Variants in STK38L observed in about 807,000 individuals in gnomAD.
STK38L encodes serine/threonine-protein kinase 38-like.
Under a neutral mutation model 59.7 loss-of-function variants are expected in STK38L, and 28 were observed. That is an observed-to-expected ratio of 0.47 (90% CI 0.35 to 0.64). The LOEUF is 0.64. Among genes scored for constraint, STK38L ranks in the 30% least tolerant of loss-of-function variants. The pLI is 0.01. For synonymous variants in STK38L, 162 were observed against 176.8 expected (o/e 0.92, Z 0.66); for missense variants, 314 against 555.8 (o/e 0.56, Z 4.37).
chr12:27,314,750 T>TCTAAATTGC, intron 7 of STK38L, 92 bp downstream of exon 7: 1 of 1,375,250 alleles, frequency 7.3e-7, no homozygotes, highest in Non-Finnish European at 9.8e-7. Flanking sequence ...AACTGCAATT[T>TCTAAATTGC]AGAATATTGC....
intron 3 of STK38L, 157 bp downstream of exon 3, chr12:27,302,345 A>T: frequency 1.9e-6 from 1 of 527,258 alleles, no homozygotes; most frequent in Non-Finnish European, 3.3e-6. Context: ...ATATCTTTAG[A>T]AGGAGGCAGT....
At chr12:27,259,921 G>A (rs991034516) in intron 1 of STK38L, among the ~76,000 whole-genome samples, 4 of 152,082 alleles carry the variant, frequency 2.6e-5, no homozygotes, top group African/African-American at 9.7e-5. Context: ...TCTTTGTGCA[G>A]CCAGTCTTTT....
At chr12:27,320,902 C>G (rs1202042380) in intron 12 of STK38L, among the ~76,000 whole-genome samples, 4 of 151,532 alleles carry the variant, frequency 2.6e-5, no homozygotes, top group Non-Finnish European at 5.9e-5. Context: ...CTGGTGGAGG[C>G]CTAACTCTTA....
At chr12:27,265,145 C>T (rs1407747037) in intron 1 of STK38L, among the ~76,000 whole-genome samples, 2 of 151,780 alleles carry the variant, frequency 1.3e-5, no homozygotes, top group Non-Finnish European at 1.5e-5. Context: ...TTGAAAAATG[C>T]AAAAAGGTAT....
Position 27,281,108 on chromosome 12 carries a change from C to G in STK38L, c.-11-16602C>G, listed in dbSNP as rs1223909221. Among the ~76,000 whole-genome samples, 4 of 834 alleles carry G rather than the reference C, an allele frequency of 4.8e-3. 1 individual carries two copies. In the Admixed American group the frequency reaches 0.074, roughly 15 times the overall value. 0.5% of individuals were successfully genotyped at this position (834 alleles called of 152,430 possible). ...TTTTTTTTTTTTTTTTTTTTTGAGACGGAGTCTCGCTCTGTCGCCCAGGCT... is the reference window on the plus strand; with the variant it reads ...TTTTTTTTTTTTTTTTTTTTTGAGAGGGAGTCTCGCTCTGTCGCCCAGGCT... On this transcript the variant is annotated intron_variant, in intron 1 of 13. Coordinates refer to ENST00000389032, the MANE Select transcript of STK38L (RefSeq NM_015000.4).
chr12:27,272,341 G>A (rs1028631839), intron 1 of STK38L, among the ~76,000 whole-genome samples: 1 of 152,184 alleles, frequency 6.6e-6, no homozygotes, highest in African/African-American at 2.4e-5. Flanking sequence ...GTGATCTGCT[G>A]TATGGTATTA....
At chr12:27,276,236 C>T (rs1233267153) in intron 1 of STK38L, among the ~76,000 whole-genome samples, 1 of 152,166 alleles carries the variant, frequency 6.6e-6, no homozygotes, top group Non-Finnish European at 1.5e-5. Context: ...CTCCCCTTCG[C>T]ATTATTTTGC....
At chr12:27,263,586 T>A (rs527404829) in intron 1 of STK38L, among the ~76,000 whole-genome samples, 1 of 152,222 alleles carries the variant, frequency 6.6e-6, no homozygotes, top group African/African-American at 2.4e-5. Flanking sequence ...CATAATGTGC[T>A]TAAAGAGTCC....
intron 5 of STK38L, among the ~76,000 whole-genome samples, chr12:27,309,430 C>T (rs1340561519): frequency 6.6e-6 from 1 of 152,146 alleles, no homozygotes; most frequent in Admixed American, 6.5e-5. Flanking sequence ...TTAGCTTAAA[C>T]AACAGAAACT....
At position 27,324,015 on chromosome 12, in the gene STK38L, C is replaced by T. The variant is rs1944787942; in HGVS notation, c.*1560C>T. ...GATGAATTATTTGTAGGAATGTCTTCCTAATGGGGAAGAATTGCATAGGAG... is the reference window on the plus strand; with the variant it reads ...GATGAATTATTTGTAGGAATGTCTTTCTAATGGGGAAGAATTGCATAGGAG... On this transcript the variant is annotated 3_prime_UTR_variant, in exon 14 of 14. Coordinates refer to ENST00000389032, the MANE Select transcript of STK38L (RefSeq NM_015000.4). The T allele has an allele frequency of 2.0e-5, 3 of 151,970 alleles. No individual in the cohort carries two copies. The highest frequency in any genetic ancestry group is 6.6e-5 in the Admixed American group (1 of 15,266). The allele number at this position is 151,970 out of a possible 1,614,324, so 9.4% of individuals were successfully genotyped here.
chr12:27,268,753 T>C (rs1282902057), intron 1 of STK38L, among the ~76,000 whole-genome samples: 2 of 152,204 alleles, frequency 1.3e-5, no homozygotes, highest in Non-Finnish European at 2.9e-5. Context: ...AAAGTGTTCC[T>C]ATTTCTCAAC....
chr12:27,279,280 T>G lies in STK38L; in HGVS notation c.-11-18430T>G, dbSNP rs565115408. Among the ~76,000 whole-genome samples, 3 of 152,372 alleles carry G rather than the reference T, an allele frequency of 2.0e-5. No individual in the cohort carries two copies. In the East Asian group the frequency reaches 5.8e-4, roughly 29 times the overall value. On this transcript the variant is annotated intron_variant, in intron 1 of 13. Transcript: ENST00000389032. ...GGAGCATCTTTTTATTATAGAGCTG[T>G]GAAAATAAAATAGTTGGTTTAGCTG...
At chr12:27,314,482 T>G in intron 6 of STK38L, 22 bp from the exon 7 acceptor site, 1 of 1,486,292 alleles carries the variant, frequency 6.7e-7, no homozygotes, top group East Asian at 2.5e-5. Context: ...AATAATAATA[T>G]ATTTGACTAT....
At chr12:27,319,152 A>G (rs907727223) in intron 11 of STK38L, among the ~76,000 whole-genome samples, 176 bp from the exon 12 acceptor site, 2 of 152,234 alleles carry the variant, frequency 1.3e-5, no homozygotes, top group African/African-American at 4.8e-5. Context: ...AGTTATCTCT[A>G]AACAGTGCGC....
chr12:27,303,973 T>C (rs1254763084), intron 3 of STK38L, among the ~76,000 whole-genome samples: 3 of 152,046 alleles, frequency 2.0e-5, no homozygotes, highest in Non-Finnish European at 4.4e-5. Flanking sequence ...GATTAATTAG[T>C]TTAACATGCT....
In STK38L at chr12:27,320,319, T is replaced by G. The variant is rs961339886; in HGVS notation, c.1175+896T>G. Among the ~76,000 whole-genome samples, 53 of 152,036 alleles carry G rather than the reference T, an allele frequency of 3.5e-4. 1 individual carries two copies. Among genetic ancestry groups the G allele is most frequent in the African/African-American group, 1.1e-3 (47 of 41,372 alleles). ...TCTCACTCTGTCGCCCAGGCTGGAG[T>G]GCTGTGGCATGATCATGGCTCACCG... On this transcript the variant is annotated intron_variant, in intron 12 of 13. Transcript: ENST00000389032.
chr12:27,314,784 A>G (rs1944545253), intron 7 of STK38L, 126 bp downstream of exon 7: 1 of 1,122,658 alleles, frequency 8.9e-7, no homozygotes, highest in South Asian at 1.7e-5. Context: ...ATGATAAGGT[A>G]CTAGGAGAGG....
chr12:27,263,209 G>A (rs1311755118), intron 1 of STK38L, among the ~76,000 whole-genome samples: 1 of 152,084 alleles, frequency 6.6e-6, no homozygotes, highest in Non-Finnish European at 1.5e-5. Context: ...CATAAATATG[G>A]GGCACTACGA....
chr12:27,304,025 G>A (rs184131000), intron 3 of STK38L, among the ~76,000 whole-genome samples: 85 of 152,194 alleles, frequency 5.6e-4, no homozygotes, highest in Admixed American at 4.8e-3. Context: ...ACTTTGGGAG[G>A]CCAAGATGGG....
Sources: gnomAD v4.1 joint callset for allele counts (sites outside exome capture counted in the v4.1 genomes callset) on GRCh38, gnomAD v4.1.1 for gene constraint, MANE v1.5 for transcripts, NCBI Gene and HGNC (gene_info 2026-07-23, HGNC 2026-07-21) for gene names.